LONRF2: variants seen among roughly 807,000 people sequenced by gnomAD.
The protein encoded by LONRF2 is LON peptidase N-terminal domain and RING finger protein 2.
In LONRF2, 35 loss-of-function variants were observed where a neutral mutation model predicts 66.6. That is an observed-to-expected ratio of 0.53 (90% CI 0.40 to 0.70). The LOEUF (loss-of-function observed/expected upper bound fraction) is 0.70. Among genes scored for constraint, LONRF2 ranks in the 30% least tolerant of loss-of-function variants. The pLI is 0.00. For missense variants in LONRF2, 902 were observed against 1,002.1 expected, an observed-to-expected ratio of 0.90 and a Z score of 1.35; for synonymous variants, 417 against 418.1, an observed-to-expected ratio of 1.00 and a Z score of 0.03.
intron 11 of LONRF2, 143 bp downstream of exon 11, chr2:100,286,771 T>C (rs1674854570): frequency 4.8e-6 from 4 of 837,314 alleles, no homozygotes; most frequent in Non-Finnish European, 3.6e-6. Context: ...AGGTGCTCCT[T>C]TGGGCTGTTA....
chr2:100,315,939 T>A (rs750019491), intron 1 of LONRF2, among the ~76,000 whole-genome samples: 1 of 152,172 alleles, frequency 6.6e-6, no homozygotes, highest in South Asian at 2.1e-4. Context: ...AGTATGGGCA[T>A]TTAAAACAGT....
rs1490103165 is a variant in LONRF2, at chr2:100,273,915, A to G, written c.*10383T>C. 6.6e-6 allele frequency: 1 copy of G among 152,266 alleles called. No homozygotes were observed. The highest frequency in any genetic ancestry group is 1.5e-5 in the Non-Finnish European group (1 of 68,052). The allele number at this position is 152,266 out of a possible 1,614,324, so 9.4% of individuals were successfully genotyped here. A position where few individuals can be genotyped will look rare whatever the true frequency, so the allele number is the denominator to read the frequency against. On this transcript the variant is annotated 3_prime_UTR_variant, in exon 12 of 12. Coordinates refer to ENST00000393437, the MANE Select transcript of LONRF2 (RefSeq NM_198461.4). The stretch of plus-strand genomic sequence containing the variant: ...AACCTATTAACAGGTTCTTATTTTC[A>G]GAATTGAGTGGGAAATTGTGTGTGG...
At position 100,299,893 on chromosome 2, in the gene LONRF2, A is replaced by G. The variant is rs745952213; in HGVS notation, c.1091T>C (p.Leu364Pro). The part of the protein sequence containing the change: ...SENSSEKSDM[L>P]GNTNSSVLYF... ...CAAAACTGAAGAATTGGTATTTCCA[A>G]GCATATCAGATTTCTCAGATGAATT... The change falls in exon 5 of 12, where the codon CTT becomes CCT. Residue 364 changes from leucine (L) to proline (P), a missense_variant. Coordinates refer to ENST00000393437, the MANE Select transcript of LONRF2 (RefSeq NM_198461.4). 2.2e-5 allele frequency: 36 copies of G among 1,610,744 alleles called. No homozygotes were observed. In the South Asian group the frequency reaches 2.3e-4, roughly 10 times the overall value.
chr2:100,288,751 C>T (rs1237089349), intron 10 of LONRF2, among the ~76,000 whole-genome samples: 1 of 152,238 alleles, frequency 6.6e-6, no homozygotes, highest in African/African-American at 2.4e-5. Flanking sequence ...TCTGGCTTCT[C>T]TCACTTAGCA....
chr2:100,311,377 A>C (rs1675405223), intron 1 of LONRF2, among the ~76,000 whole-genome samples: 1 of 152,078 alleles, frequency 6.6e-6, no homozygotes, highest in South Asian at 2.1e-4. Flanking sequence ...TTTTGGAAAA[A>C]AAAAATGTGC....
intron 4 of LONRF2, 90 bp from the exon 5 acceptor site, chr2:100,300,008 T>TG (rs139303164): frequency 0.23 from 96,768 of 424,272 alleles, 14,211 homozygotes; most frequent in East Asian, 0.6. Context: ...TAGAAATCTT[T>TG]GGAAAAAAAA....
At chr2:100,295,395 G>A (rs1464341048) in intron 8 of LONRF2, 37 bp downstream of exon 8, 3 of 1,588,604 alleles carry the variant, frequency 1.9e-6, no homozygotes, top group Middle Eastern at 1.7e-4. Flanking sequence ...AGTTCAATCT[G>A]AACTTAAGAC....
intron 1 of LONRF2, among the ~76,000 whole-genome samples, chr2:100,318,212 T>A (rs1191945391): frequency 6.6e-6 from 1 of 152,248 alleles, no homozygotes; most frequent in Admixed American, 6.5e-5. Context: ...CTCATTCAGA[T>A]TTCTGATGTG....
At position 100,321,580 on chromosome 2, in the gene LONRF2, C is replaced by G. The variant is rs1244126764; in HGVS notation, c.514G>C (p.Ala172Pro). The change falls in exon 1 of 12, where the codon GCG (alanine) becomes CCG (proline). Residue 172 changes from alanine to proline, a missense_variant. Coordinates refer to ENST00000393437, the MANE Select transcript of LONRF2 (RefSeq NM_198461.4). ...VCKRCVEPGP[A>P]RPQVRRVNVV... ...TTCACGCGCCGCACCTGCGGCCGCG[C>G]GGGCCCTGGCTCCACGCAGCGCTTG... 9 of 1,530,814 alleles carry G rather than the reference C, an allele frequency of 5.9e-6. No homozygotes were observed. The highest frequency in any genetic ancestry group is 7.8e-6 in the Non-Finnish European group (9 of 1,151,184). The allele number at this position is 1,530,814 out of a possible 1,614,324, so 94.8% of individuals were successfully genotyped here. A position where few individuals can be genotyped will look rare whatever the true frequency, so the allele number is the denominator to read the frequency against.
At position 100,284,183 on chromosome 2, in the gene LONRF2, T is replaced by G; in HGVS notation, c.*115A>C. The G allele has an allele frequency of 1.0e-6, 1 of 978,516 alleles. No homozygotes were observed. Among genetic ancestry groups the G allele is most frequent in the Non-Finnish European group, 1.5e-6 (1 of 687,098 alleles). The allele number at this position is 978,516 out of a possible 1,614,324, so 60.6% of individuals were successfully genotyped here. On this transcript the variant is annotated 3_prime_UTR_variant, in exon 12 of 12. Coordinates refer to ENST00000393437, the MANE Select transcript of LONRF2 (RefSeq NM_198461.4). Reference sequence around the variant, plus strand: ...GACTCAATGTTTGGCAAGCGTCCCATTTTGGAACCTCATCCACAAGCACTT... The same window carrying G: ...GACTCAATGTTTGGCAAGCGTCCCAGTTTGGAACCTCATCCACAAGCACTT...
chr2:100,290,217 GGACC>G (rs761731015), intron 10 of LONRF2, 37 bp downstream of exon 10: 60 of 1,565,008 alleles, frequency 3.8e-5, no homozygotes, highest in Admixed American at 7.4e-5. Flanking sequence ...GGAAGCGAGA[GGACC>G]GACTGCTATA....
Position 100,313,315 on chromosome 2 carries a change from C to T in LONRF2, c.680-4090G>A, listed in dbSNP as rs150540575. 3.6e-3 allele frequency among the ~76,000 whole-genome samples: 548 copies of T among 152,144 alleles called. 1 individual carries two copies. The highest frequency in any genetic ancestry group is 6.2e-3 in the Non-Finnish European group (419 of 67,992). On this transcript the variant is annotated intron_variant, in intron 1 of 11. Transcript: ENST00000393437. ...TTTGAGACCAGCCTGGCCAATATGG[C>T]GAGACCCCATCTCTACTAAAAGTAA...
At position 100,282,099 on chromosome 2, in the gene LONRF2, T is replaced by C. The variant is rs908679460; in HGVS notation, c.*2199A>G. The C allele has an allele frequency of 5.9e-5, 9 of 152,038 alleles. No homozygotes were observed. The highest frequency in any genetic ancestry group is 1.9e-4 in the African/African-American group (8 of 41,384). The allele number at this position is 152,038 out of a possible 1,614,324, so 9.4% of individuals were successfully genotyped here. Reference sequence around the variant, plus strand: ...CTGGTATCAAAAAAATAAAAACCTATCAAAAAATAAAAACGTATGTTGCTC... The same window carrying C: ...CTGGTATCAAAAAAATAAAAACCTACCAAAAAATAAAAACGTATGTTGCTC... On this transcript the variant is annotated 3_prime_UTR_variant, in exon 12 of 12. Coordinates refer to ENST00000393437, the MANE Select transcript of LONRF2 (RefSeq NM_198461.4).
rs1166219086 is a variant in LONRF2, at chr2:100,283,718, A to C, written c.*580T>G. The C allele has an allele frequency of 6.6e-6, 1 of 152,258 alleles. No homozygotes were observed. The allele number at this position is 152,258 out of a possible 1,614,324, so 9.4% of individuals were successfully genotyped here. ...GGGACTACAACAGGACATTAAACAC[A>C]GTTCTATCCAGAGGCTACTACTTCT... On this transcript the variant is annotated 3_prime_UTR_variant, in exon 12 of 12. Coordinates refer to ENST00000393437, the MANE Select transcript of LONRF2 (RefSeq NM_198461.4).
Position 100,321,960 on chromosome 2 carries a change from A to C in LONRF2, c.134T>G (p.Leu45Arg), listed in dbSNP as rs1431865059. 53 of 1,465,444 alleles carry C rather than the reference A, an allele frequency of 3.6e-5. No homozygotes were observed. Among genetic ancestry groups the C allele is most frequent in the Non-Finnish European group, 4.7e-5 (52 of 1,109,914 alleles). 90.8% of individuals were successfully genotyped at this position (1,465,444 alleles called of 1,614,324 possible). The change falls in exon 1 of 12, where the codon CTC (leucine) becomes CGC (arginine). Residue 45 changes from leucine to arginine, a missense_variant. Physicochemically the swap from Leu to Arg is moderately radical, Grantham distance 102 (BLOSUM62 -2). Transcript: ENST00000393437. ...CAGCCCGGCTAGCATGGAGCGAAAGAGCTCGGCTGCCATCTCGTAGTCGCC... is the reference window on the plus strand; with the variant it reads ...CAGCCCGGCTAGCATGGAGCGAAAGCGCTCGGCTGCCATCTCGTAGTCGCC... ...RAGDYEMAAELFRSMLAGLAQ... is the reference protein window; with the variant it reads ...RAGDYEMAAERFRSMLAGLAQ...
intron 11 of LONRF2, among the ~76,000 whole-genome samples, chr2:100,286,141 G>C (rs887196595): frequency 6.6e-6 from 1 of 152,018 alleles, no homozygotes; most frequent in African/African-American, 2.4e-5. Flanking sequence ...TCAGGCAGGG[G>C]GTAAAAGATA....
intron 7 of LONRF2, among the ~76,000 whole-genome samples, chr2:100,296,427 G>A (rs768596352): frequency 3.9e-5 from 6 of 152,188 alleles, no homozygotes; most frequent in Admixed American, 6.5e-5. Context: ...TCAGTGCTGA[G>A]CCACCATGGC....
At chr2:100,317,424 A>G (rs1480634342) in intron 1 of LONRF2, among the ~76,000 whole-genome samples, 2 of 152,144 alleles carry the variant, frequency 1.3e-5, no homozygotes, top group Non-Finnish European at 2.9e-5. Flanking sequence ...ATTTAACTGT[A>G]TTTACCCATT....
Position 100,294,267 on chromosome 2 carries a change from G to C in LONRF2, c.1719C>G (p.Thr573=). The C allele has an allele frequency of 6.2e-7, 1 of 1,606,446 alleles. No individual in the cohort carries two copies. The highest frequency in any genetic ancestry group is 8.5e-7 in the Non-Finnish European group (1 of 1,177,360). The part of the protein sequence containing the change: ...LMIRRCMETG[T]KRFGMCLSAE... ...CAGATAAACACATGCCAAACCGCTTGGTGCCAGTTTCCATGCATCTTCTTA... is the reference window on the plus strand; with the variant it reads ...CAGATAAACACATGCCAAACCGCTTCGTGCCAGTTTCCATGCATCTTCTTA... Residue 573 remains threonine, a synonymous_variant, in exon 9 of 12, where the codon ACC becomes ACG. Coordinates refer to ENST00000393437, the MANE Select transcript of LONRF2 (RefSeq NM_198461.4).
Sources: gnomAD v4.1 joint callset for allele counts (sites outside exome capture counted in the v4.1 genomes callset) on GRCh38, gnomAD v4.1.1 for gene constraint, MANE v1.5 for transcripts, NCBI Gene and HGNC (gene_info 2026-07-23, HGNC 2026-07-21) for gene names.